The following FBXO4 variants were observed in gnomAD, a reference collection of about 807,000 sequenced individuals.
FBXO4 encodes F-box only protein 4.
Under a neutral mutation model 43.7 loss-of-function variants are expected in FBXO4, and 36 were observed. The observed-to-expected ratio is 0.82, with a 90% confidence interval of 0.63 to 1.09. The LOEUF is 1.09. FBXO4 is among the 50% of genes least tolerant of loss of function. The pLI, the probability that FBXO4 is intolerant of heterozygous loss-of-function variation, is 0.00. For synonymous variants in FBXO4, 180 were observed against 165.6 expected, an observed-to-expected ratio of 1.09 and a Z score of -0.67; for missense variants, 435 against 474.1, an observed-to-expected ratio of 0.92 and a Z score of 0.77.
At chr5:41,951,858 G>T in the FBXO4 span, 1 of 229,690 alleles carries the variant, frequency 4.4e-6, no homozygotes, top group South Asian at 6.6e-5. Context: ...AGGCTGCCTG[G>T]ATCTGGTTAA....
chr5:41,999,697 A>G, the FBXO4 span, among the ~76,000 whole-genome samples: 1 of 151,014 alleles, frequency 6.6e-6, no homozygotes, highest in Admixed American at 6.7e-5. Flanking sequence ...TCAATGTTAG[A>G]GGGCAGGAAG....
chr5:41,987,003 C>G, the FBXO4 span, among the ~76,000 whole-genome samples: 1 of 152,022 alleles, frequency 6.6e-6, no homozygotes, highest in Non-Finnish European at 1.5e-5. Flanking sequence ...AGCTTTAATG[C>G]CTGAGTTCAG....
chr5:41,946,266 C>T (rs1752076544), downstream of FBXO4, among the ~76,000 whole-genome samples: 1 of 152,104 alleles, frequency 6.6e-6, no homozygotes, highest in African/African-American at 2.4e-5. Context: ...CTGGCCAGAT[C>T]CCGCAATATA....
the FBXO4 span, among the ~76,000 whole-genome samples, chr5:41,999,494 CATATAT>C: frequency 1.2e-5 from 1 of 86,872 alleles, no homozygotes; most frequent in African/African-American, 5.3e-5. Context: ...TATATATATA[CATATAT>C]ATATGTGTAT....
rs545041200 is a variant in FBXO4, at chr5:41,925,512, G to T, written c.189+14G>T. 9.9e-6 allele frequency: 13 copies of T among 1,307,216 alleles called. No individual in the cohort carries two copies. Among genetic ancestry groups the T allele is most frequent in the Middle Eastern group, 4.5e-4 (2 of 4,412 alleles). 81.0% of individuals were successfully genotyped at this position (1,307,216 alleles called of 1,614,324 possible). On this transcript the variant is annotated intron_variant, in intron 1 of 6. Coordinates refer to ENST00000281623, the MANE Select transcript of FBXO4 (RefSeq NM_012176.3). Reference sequence around the variant, plus strand: ...ACGCGGCTGCCGGTGAGCGTCGGCCGCAGGCCGCGGAGGACAGTGGGGCCG... The same window carrying T: ...ACGCGGCTGCCGGTGAGCGTCGGCCTCAGGCCGCGGAGGACAGTGGGGCCG...
chr5:42,023,525 TA>T, the FBXO4 span, among the ~76,000 whole-genome samples: 3 of 152,076 alleles, frequency 2.0e-5, no homozygotes, highest in Non-Finnish European at 4.4e-5. Flanking sequence ...CATTCTTTCC[TA>T]AATTGTTATA....
the FBXO4 span, among the ~76,000 whole-genome samples, chr5:41,987,854 T>C: frequency 1.4e-4 from 21 of 152,214 alleles, no homozygotes; most frequent in Admixed American, 9.8e-4. Flanking sequence ...TCCATCTCTC[T>C]CCATACATTA....
chr5:41,961,771 G>A, the FBXO4 span, among the ~76,000 whole-genome samples: 1 of 152,158 alleles, frequency 6.6e-6, no homozygotes, highest in Admixed American at 6.5e-5. Context: ...CTTCTTGGGT[G>A]GTGGAGAAGT....
downstream of FBXO4, among the ~76,000 whole-genome samples, chr5:41,946,306 G>A (rs573535232): frequency 6.6e-6 from 1 of 152,304 alleles, no homozygotes; most frequent in Admixed American, 6.5e-5. Flanking sequence ...TTATAGAATT[G>A]TGTTTATAAT....
the FBXO4 span, among the ~76,000 whole-genome samples, chr5:41,975,725 T>C: frequency 6.6e-6 from 1 of 152,240 alleles, no homozygotes; most frequent in Non-Finnish European, 1.5e-5. Flanking sequence ...GTTAAGTATA[T>C]AGTTTAGTAG....
chr5:41,940,210 T>C (rs958826145), intron 6 of FBXO4, among the ~76,000 whole-genome samples: 1 of 152,100 alleles, frequency 6.6e-6, no homozygotes, highest in African/African-American at 2.4e-5. Context: ...TATTATGCTT[T>C]ATGGATCATC....
At chr5:41,944,027 T>A (rs1752041916), downstream of FBXO4, among the ~76,000 whole-genome samples, 1 of 152,216 alleles carries the variant, frequency 6.6e-6, no homozygotes, top group Admixed American at 6.5e-5. Context: ...CATCTTAAAC[T>A]TCTAGAGTCC....
intron 2 of FBXO4, 74 bp from the exon 3 acceptor site, chr5:41,929,623 A>G: frequency 1.8e-6 from 2 of 1,127,704 alleles, no homozygotes; most frequent in Admixed American, 2.4e-5. Context: ...CAAGTACTCA[A>G]TAAATTATAT....
chr5:42,031,285 G>A, the FBXO4 span, among the ~76,000 whole-genome samples: 71 of 151,956 alleles, frequency 4.7e-4, no homozygotes, highest in African/African-American at 1.7e-3. Flanking sequence ...GCCATAAAAC[G>A]TGATGAGTTC....
chr5:41,937,364 G>C (rs1751876870), intron 5 of FBXO4, among the ~76,000 whole-genome samples: 3 of 152,016 alleles, frequency 2.0e-5, no homozygotes. Flanking sequence ...CCAATAAAGA[G>C]AAATCTTTAT....
the FBXO4 span, chr5:41,963,894 G>A: frequency 6.6e-6 from 1 of 152,222 alleles, no homozygotes; most frequent in African/African-American, 2.4e-5. Context: ...GAAGCAGTGA[G>A]TGTGGAAAAA....
the FBXO4 span, among the ~76,000 whole-genome samples, chr5:41,953,044 G>A: frequency 2.6e-5 from 4 of 151,548 alleles, no homozygotes; most frequent in Non-Finnish European, 5.9e-5. Flanking sequence ...TGTGCACAAT[G>A]TGCAGGTTAG....
chr5:42,039,034 A>C, the FBXO4 span, among the ~76,000 whole-genome samples: 1 of 152,120 alleles, frequency 6.6e-6, no homozygotes, highest in Non-Finnish European at 1.5e-5. Context: ...ATCCATAGTT[A>C]CATATTATTC....
At chr5:42,026,578 C>T in the FBXO4 span, among the ~76,000 whole-genome samples, 1 of 151,856 alleles carries the variant, frequency 6.6e-6, no homozygotes, top group Non-Finnish European at 1.5e-5. Flanking sequence ...ACTCCTCTAG[C>T]TAGGACTTCC....
Sources: gnomAD v4.1 joint callset for allele counts (sites outside exome capture counted in the v4.1 genomes callset) on GRCh38, gnomAD v4.1.1 for gene constraint, MANE v1.5 for transcripts, NCBI Gene and HGNC (gene_info 2026-07-23, HGNC 2026-07-21) for gene names.